The following DLG2 variants were observed in gnomAD, a reference collection of about 807,000 sequenced individuals.
The protein encoded by DLG2 is discs large MAGUK scaffold protein 2.
DLG2 carries 45 observed loss-of-function variants against 132.5 expected under a neutral mutation model. That is an observed-to-expected ratio of 0.34 (90% CI 0.27 to 0.44). DLG2 has a LOEUF of 0.44. Ranked by LOEUF, DLG2 falls within the 20% of genes least tolerant of loss-of-function variation. DLG2 has a pLI of 1.00. For synonymous variants in DLG2, 424 were observed against 419.6 expected (o/e 1.01, Z -0.13); for missense variants, 1,045 against 1,196.9 (o/e 0.87, Z 1.87).
At chr11:83,939,343 T>A (rs1239948611) in intron 14 of DLG2, among the ~76,000 whole-genome samples, 1 of 152,160 alleles carries the variant, frequency 6.6e-6, no homozygotes, top group East Asian at 1.9e-4. Context: ...GGTATCCCAC[T>A]GGTATTTTCA....
chr11:83,501,115 A>G (rs2094433258), intron 21 of DLG2, among the ~76,000 whole-genome samples: 1 of 151,928 alleles, frequency 6.6e-6, no homozygotes, highest in Non-Finnish European at 1.5e-5. Flanking sequence ...AAATTCCCAT[A>G]TGTTAGATAG....
intron 15 of DLG2, among the ~76,000 whole-genome samples, chr11:83,897,436 T>C (rs1319501976): frequency 6.6e-6 from 1 of 152,212 alleles, no homozygotes; most frequent in African/African-American, 2.4e-5. Context: ...CCTAAACTGA[T>C]ACTGAAAGAA....
At chr11:85,489,561 C>A (rs965336151) in intron 3 of DLG2, among the ~76,000 whole-genome samples, 6 of 152,008 alleles carry the variant, frequency 3.9e-5, no homozygotes, top group Non-Finnish European at 8.8e-5. Context: ...CAAAAGGGAC[C>A]AAACCAGAAC....
intron 18 of DLG2, among the ~76,000 whole-genome samples, chr11:83,741,975 C>G (rs1288830537): frequency 6.6e-6 from 1 of 152,258 alleles, no homozygotes; most frequent in East Asian, 1.9e-4. Context: ...AAAACTCACA[C>G]TGTATTTTGG....
intron 10 of DLG2, among the ~76,000 whole-genome samples, chr11:84,070,464 T>C (rs1464706593): frequency 6.6e-6 from 1 of 152,212 alleles, no homozygotes; most frequent in Admixed American, 6.5e-5. Flanking sequence ...ATTTGTTACC[T>C]GCATAGAACC....
intron 6 of DLG2, among the ~76,000 whole-genome samples, chr11:84,869,745 A>G (rs2085177084): frequency 6.6e-6 from 1 of 152,078 alleles, no homozygotes; most frequent in Non-Finnish European, 1.5e-5. Flanking sequence ...TCTCTTCTCA[A>G]CTCCTGAACT....
chr11:84,694,339 C>A (rs961633307), intron 6 of DLG2, among the ~76,000 whole-genome samples: 1 of 151,554 alleles, frequency 6.6e-6, no homozygotes, highest in African/African-American at 2.4e-5. Context: ...AGCACTTGAA[C>A]GAATCAGTTT....
intron 18 of DLG2, among the ~76,000 whole-genome samples, chr11:83,749,254 G>A (rs924361867): frequency 6.6e-6 from 1 of 152,162 alleles, no homozygotes; most frequent in African/African-American, 2.4e-5. Context: ...TCTTTTTGAA[G>A]ATGTTCATCC....
At chr11:83,517,159 A>G (rs1181746013) in intron 21 of DLG2, among the ~76,000 whole-genome samples, 1 of 152,196 alleles carries the variant, frequency 6.6e-6, no homozygotes, top group Non-Finnish European at 1.5e-5. Context: ...TTTCAGGTAC[A>G]CCAATCAGAT....
intron 3 of DLG2, among the ~76,000 whole-genome samples, chr11:85,312,874 G>T (rs1289778148): frequency 6.6e-6 from 1 of 151,860 alleles, no homozygotes; most frequent in Non-Finnish European, 1.5e-5. Flanking sequence ...AAAATATTGA[G>T]AAATGATGAA....
intron 6 of DLG2, among the ~76,000 whole-genome samples, chr11:85,028,844 A>G (rs1161484456): frequency 3.3e-5 from 5 of 151,862 alleles, no homozygotes; most frequent in African/African-American, 1.2e-4. Flanking sequence ...CACCCCTCCA[A>G]CTCTGAAAAG....
intron 4 of DLG2, among the ~76,000 whole-genome samples, chr11:85,182,161 C>A (rs1384295110): frequency 6.6e-6 from 1 of 151,926 alleles, no homozygotes. Context: ...AAGTACTCTG[C>A]CTATGTTATC....
chr11:84,296,547 G>A (rs973971435), intron 7 of DLG2, among the ~76,000 whole-genome samples: 1 of 152,030 alleles, frequency 6.6e-6, no homozygotes, highest in Admixed American at 6.6e-5. Context: ...CAAGGGATGT[G>A]CCTGCCTCAG....
chr11:84,888,857 G>A (rs1445787125), intron 6 of DLG2, among the ~76,000 whole-genome samples: 1 of 152,144 alleles, frequency 6.6e-6, no homozygotes, highest in East Asian at 1.9e-4. Flanking sequence ...GAAGTGATAA[G>A]CAGCAAATAT....
intron 18 of DLG2, among the ~76,000 whole-genome samples, chr11:83,742,288 GTAA>G (rs2092582841): frequency 1.3e-5 from 2 of 151,106 alleles, no homozygotes; most frequent in South Asian, 4.2e-4. Flanking sequence ...ACTGACTGTA[GTAA>G]TAATATCATA....
chr11:84,935,618 G>T (rs2048646761), intron 6 of DLG2, among the ~76,000 whole-genome samples: 1 of 152,144 alleles, frequency 6.6e-6, no homozygotes, highest in Non-Finnish European at 1.5e-5. Flanking sequence ...GGCAATGTCT[G>T]GACACACTTT....
intron 7 of DLG2, among the ~76,000 whole-genome samples, chr11:84,267,558 G>A (rs2097657359): frequency 6.6e-6 from 1 of 152,166 alleles, no homozygotes; most frequent in Non-Finnish European, 1.5e-5. Flanking sequence ...ACTGGCTTAA[G>A]CAAAATTTGG....
intron 7 of DLG2, among the ~76,000 whole-genome samples, chr11:84,533,535 G>T: frequency 6.6e-6 from 1 of 152,078 alleles, no homozygotes; most frequent in Non-Finnish European, 1.5e-5. Flanking sequence ...TAATTTATTT[G>T]CTAATACATT....
At chr11:85,372,007 C>A (rs566582207) in intron 3 of DLG2, among the ~76,000 whole-genome samples, 21 of 152,280 alleles carry the variant, frequency 1.4e-4, no homozygotes, top group African/African-American at 4.8e-4. Context: ...TATTTCAAAA[C>A]TTATACATTT....
Sources: allele counts gnomAD v4.1 joint callset (sites outside exome capture counted in the v4.1 genomes callset), GRCh38; gene constraint gnomAD v4.1.1; transcripts MANE v1.5; gene names NCBI Gene and HGNC (gene_info 2026-07-23, HGNC 2026-07-21).